MAPT: variants seen among roughly 807,000 people sequenced by gnomAD.
MAPT encodes the protein microtubule-associated protein tau.
MAPT carries 34 observed loss-of-function variants against 67.9 expected under a neutral mutation model. The ratio of observed to expected loss-of-function variants is 0.50; its 90% confidence interval spans 0.38 to 0.67. MAPT has a LOEUF of 0.67. MAPT is among the 30% of genes least tolerant of loss of function. The probability of loss-of-function intolerance (pLI) is 0.00; values close to 1 mark genes in which losing one functional copy is unlikely to be tolerated. For synonymous variants in MAPT, 456 were observed against 464.5 expected (o/e 0.98, Z 0.23); for missense variants, 881 against 1,115.2 (o/e 0.79, Z 2.99).
At chr17:46,008,663 T>A (rs1206511463) in intron 9 of MAPT, among the ~76,000 whole-genome samples, 1 of 152,060 alleles carries the variant, frequency 6.6e-6, no homozygotes, top group African/African-American at 2.4e-5. Flanking sequence ...CTATTGAAGA[T>A]TCAGACAAGT....
In MAPT at chr17:45,987,141, G is replaced by A. The variant is rs780748456; in HGVS notation, c.1407+46G>A. Reference sequence around the variant, plus strand: ...AGCTCTGCAGCTGGTCAAGTTTACAGAGAAGCTGTGCTTTATGTCTGATTC... The same window carrying A: ...AGCTCTGCAGCTGGTCAAGTTTACAAAGAAGCTGTGCTTTATGTCTGATTC... On this transcript the variant is annotated intron_variant, in intron 6 of 12. Coordinates refer to ENST00000262410, the MANE Select transcript of MAPT (RefSeq NM_001377265.1). 3.8e-6 allele frequency: 6 copies of A among 1,564,716 alleles called. No homozygotes were observed. The African/African-American group carries it at 8.1e-5, about 21-fold the overall frequency.
At chr17:45,924,391 C>T (rs1037171606) in intron 1 of MAPT, among the ~76,000 whole-genome samples, 4 of 152,244 alleles carry the variant, frequency 2.6e-5, no homozygotes, top group East Asian at 1.9e-4. Context: ...TGCAGGAGTG[C>T]GGTCGACTCC....
Position 45,983,790 on chromosome 17 carries a change from G to A in MAPT, c.1211G>A (p.Gly404Glu). ...EEHLGRAAFP[G>E]APGEGPEARG... The stretch of plus-strand genomic sequence containing the variant: ...CATTTGGGAAGGGCTGCATTTCCAG[G>A]GGCCCCTGGAGAGGGGCCAGAGGCC... Residue 404 changes from glycine to glutamate, a missense_variant, in exon 5 of 13, where the codon GGG becomes GAG. Physicochemically the swap from Gly to Glu is moderately conservative, Grantham distance 98. This residue lies in a region of MAPT where 687 missense variants were observed against 766.1 expected (regional missense o/e 0.90). Transcript: ENST00000262410. 2 of 1,613,816 alleles carry A rather than the reference G, an allele frequency of 1.2e-6. No homozygotes were observed. Among genetic ancestry groups the A allele is most frequent in the Non-Finnish European group, 1.7e-6 (2 of 1,179,934 alleles).
intron 3 of MAPT, chr17:45,974,333 G>C (rs1207497008): frequency 7.6e-7 from 1 of 1,318,292 alleles, no homozygotes; most frequent in East Asian, 2.4e-5. Flanking sequence ...AAGGTGAGGG[G>C]CTGGGTATGG....
chr17:46,002,014 A>G (rs1403065651), intron 9 of MAPT, among the ~76,000 whole-genome samples: 1 of 152,234 alleles, frequency 6.6e-6, no homozygotes, highest in Non-Finnish European at 1.5e-5. Flanking sequence ...ATAGTGGAAC[A>G]CTGCAACGTG....
intron 1 of MAPT, among the ~76,000 whole-genome samples, chr17:45,959,837 T>G (rs2070188135): frequency 6.6e-6 from 1 of 152,184 alleles, no homozygotes; most frequent in South Asian, 2.1e-4. Context: ...CAACTTTATT[T>G]GTAATATTGG....
intron 1 of MAPT, among the ~76,000 whole-genome samples, chr17:45,924,896 G>A (rs1479244533): frequency 6.6e-6 from 1 of 152,160 alleles, no homozygotes; most frequent in African/African-American, 2.4e-5. Flanking sequence ...TTTCCCTCCT[G>A]TATCTTCCAA....
chr17:45,932,287 G>A (rs151258942), intron 1 of MAPT, among the ~76,000 whole-genome samples: 72 of 151,842 alleles, frequency 4.7e-4, no homozygotes, highest in African/African-American at 1.7e-3. Flanking sequence ...TGGAAATTCT[G>A]AACCATTAAG....
chr17:45,895,046 GGCGT>G (rs1248617753), intron 1 of MAPT: 3 of 134,156 alleles, frequency 2.2e-5, no homozygotes, highest in African/African-American at 9.6e-5. Context: ...TGCCGCAATG[GGCGT>G]GTGTGTGTGT....
At position 45,983,649 on chromosome 17, in the gene MAPT, C is replaced by T. The variant is rs199644237; in HGVS notation, c.1070C>T (p.Ser357Leu). 317 of 1,614,036 alleles carry T rather than the reference C, an allele frequency of 2.0e-4. 1 individual carries two copies. Among genetic ancestry groups the T allele is most frequent in the Non-Finnish European group, 2.6e-4 (302 of 1,180,034 alleles). The change falls in exon 5 of 13, where the codon TCA becomes TTA. Residue 357 changes from serine (S) to leucine (L), a missense_variant. This residue lies in a region of MAPT where 687 missense variants were observed against 766.1 expected (regional missense o/e 0.90). Coordinates refer to ENST00000262410, the MANE Select transcript of MAPT (RefSeq NM_001377265.1). ...LSKVSTEIPA[S>L]EPDGPSVGRA... The stretch of plus-strand genomic sequence containing the variant: ...AAAGTTTCCACAGAGATCCCAGCCT[C>T]AGAGCCCGACGGGCCCAGTGTAGGG...
chr17:46,013,697 G>A (rs1192732075), intron 10 of MAPT, among the ~76,000 whole-genome samples: 1 of 152,290 alleles, frequency 6.6e-6, no homozygotes, highest in South Asian at 2.1e-4. Flanking sequence ...TCCAGGGTCC[G>A]TGGAAGCTTT....
At chr17:45,926,884 G>A (rs770401061) in intron 1 of MAPT, among the ~76,000 whole-genome samples, 23 of 150,244 alleles carry the variant, frequency 1.5e-4, no homozygotes, top group South Asian at 6.3e-4. Flanking sequence ...AAAAAAGTAC[G>A]TGTGTGGTAT....
intron 1 of MAPT, among the ~76,000 whole-genome samples, chr17:45,920,636 C>T (rs1485290887): frequency 1.3e-5 from 2 of 152,228 alleles, no homozygotes; most frequent in Non-Finnish European, 2.9e-5. Context: ...GGATGCCAGA[C>T]TGGAGCACTC....
intron 5 of MAPT, chr17:45,985,649 A>G: frequency 1.0e-6 from 1 of 985,132 alleles, no homozygotes; most frequent in Non-Finnish European, 1.2e-6. Flanking sequence ...TCTACCTGCT[A>G]ACATTTCCTG....
chr17:45,895,689 G>A (rs887547537), intron 1 of MAPT: 2 of 152,270 alleles, frequency 1.3e-5, no homozygotes, highest in Non-Finnish European at 2.9e-5. Context: ...CTGCGGCAGT[G>A]GGTGTGGACC....
At position 46,021,884 on chromosome 17, in the gene MAPT, T is replaced by C. The variant is rs372413408; in HGVS notation, c.2287-2072T>C. Among the ~76,000 whole-genome samples the C allele has an allele frequency of 4.1e-4, 63 of 152,290 alleles. 1 individual carries two copies. The South Asian group carries it at 0.013, about 32-fold the overall frequency. On this transcript the variant is annotated intron_variant, in intron 12 of 12. Coordinates refer to ENST00000262410, the MANE Select transcript of MAPT (RefSeq NM_001377265.1). ...GGGGATCCCCGCAGCATTAGTCCCC[T>C]GTTTTCCCAGTGTATTGAGAAAAAT... is the stretch of plus-strand genomic sequence containing the variant.
intron 1 of MAPT, among the ~76,000 whole-genome samples, chr17:45,924,096 G>C (rs1044133640): frequency 6.6e-6 from 1 of 152,010 alleles, no homozygotes; most frequent in African/African-American, 2.4e-5. Context: ...TCACAACCAA[G>C]CTCTGTCTCC....
At chr17:45,940,616 A>T (rs2067766436) in intron 1 of MAPT, among the ~76,000 whole-genome samples, 1 of 152,200 alleles carries the variant, frequency 6.6e-6, no homozygotes, top group Non-Finnish European at 1.5e-5. Flanking sequence ...CAGCTTGAAG[A>T]GGAGACGACA....
At chr17:45,978,635 TG>T (rs2072632556) in intron 4 of MAPT, 195 bp downstream of exon 4, 7 of 589,472 alleles carry the variant, frequency 1.2e-5, no homozygotes, top group Non-Finnish European at 1.8e-5. Flanking sequence ...ATACCATTTC[TG>T]GGTAATTCCT....
Sources: gnomAD v4.1 joint callset for allele counts (sites outside exome capture counted in the v4.1 genomes callset) on GRCh38, gnomAD v4.1.1 for gene constraint, gnomAD v4.1.1 regional missense constraint, MANE v1.5 for transcripts, NCBI Gene and HGNC (gene_info 2026-07-23, HGNC 2026-07-21) for gene names.